Variants in SFXN5 observed in about 807,000 individuals in gnomAD.
SFXN5 encodes the protein sideroflexin-5.
A neutral mutation model predicts 50.2 loss-of-function variants in SFXN5; 43 were observed. That is an observed-to-expected ratio of 0.86 (90% CI 0.67 to 1.11). SFXN5 has a LOEUF of 1.11. Among genes scored for constraint, SFXN5 ranks in the 50% least tolerant of loss-of-function variants. The pLI, the probability that SFXN5 is intolerant of heterozygous loss-of-function variation, is 0.00. For missense variants in SFXN5, 463 were observed against 454.1 expected (o/e 1.02, Z -0.18); for synonymous variants, 203 against 185.8 (o/e 1.09, Z -0.75).
At chr2:73,026,090 G>A (rs1445872925) in intron 3 of SFXN5, among the ~76,000 whole-genome samples, 1 of 151,288 alleles carries the variant, frequency 6.6e-6, no homozygotes, top group Non-Finnish European at 1.5e-5. Context: ...TGCTGAGAAG[G>A]AGGTCCCATT....
chr2:73,022,536 G>A lies in SFXN5; in HGVS notation c.317C>T (p.Pro106Leu). 6.2e-7 allele frequency: 1 copy of A among 1,607,570 alleles called. No homozygotes were observed. ...HPDTNEKIFMPFRMSGYIPFG... is the reference protein window; with the variant it reads ...HPDTNEKIFMLFRMSGYIPFG... ...CAGGAGCTTACCTGACATTCTAAAT[G>A]GCATGAAGATCTTCTCATTGGTGTC... Residue 106 changes from proline to leucine, a missense_variant, in exon 5 of 14, where the codon CCA becomes CTA. Pro to Leu is a moderately conservative substitution (Grantham distance 98). Transcript: ENST00000272433.
At chr2:72,990,627 A>C (rs1406613797) in intron 9 of SFXN5, among the ~76,000 whole-genome samples, 1 of 152,240 alleles carries the variant, frequency 6.6e-6, no homozygotes, top group African/African-American at 2.4e-5. Flanking sequence ...TAGATAGACC[A>C]TGTTGGCCCT....
intron 1 of SFXN5, among the ~76,000 whole-genome samples, chr2:73,064,171 A>T (rs114522673): frequency 6.6e-6 from 1 of 152,200 alleles, no homozygotes; most frequent in African/African-American, 2.4e-5. Flanking sequence ...CAAAGATCCC[A>T]GAAGAAGCTG....
intron 10 of SFXN5, among the ~76,000 whole-genome samples, chr2:72,972,686 G>A (rs908234994): frequency 6.6e-6 from 1 of 152,252 alleles, no homozygotes; most frequent in African/African-American, 2.4e-5. Context: ...GACCTGGGAG[G>A]GGTGGGCAGG....
chr2:72,994,104 G>C (rs1410527029), intron 9 of SFXN5, among the ~76,000 whole-genome samples: 5 of 152,118 alleles, frequency 3.3e-5, no homozygotes, highest in Non-Finnish European at 1.5e-5. Flanking sequence ...ATGCCACAGG[G>C]GGTGCAGCAG....
intron 13 of SFXN5, among the ~76,000 whole-genome samples, chr2:72,947,076 C>T (rs1237500503): frequency 6.6e-6 from 1 of 152,202 alleles, no homozygotes; most frequent in Non-Finnish European, 1.5e-5. Flanking sequence ...CTTTAGACAC[C>T]TTCCCTCCCC....
At chr2:72,982,332 A>C (rs1211429330) in intron 10 of SFXN5, among the ~76,000 whole-genome samples, 1 of 152,256 alleles carries the variant, frequency 6.6e-6, no homozygotes, top group African/African-American at 2.4e-5. Flanking sequence ...AAAAATGTAA[A>C]CAAGAAAACA....
intron 12 of SFXN5, among the ~76,000 whole-genome samples, chr2:72,963,204 G>A (rs1289438035): frequency 6.6e-6 from 1 of 152,184 alleles, no homozygotes; most frequent in African/African-American, 2.4e-5. Context: ...GTCCCTGGAA[G>A]CACAGCCCCG....
chr2:72,977,022 AG>A (rs1432363259), intron 10 of SFXN5, among the ~76,000 whole-genome samples: 1 of 152,210 alleles, frequency 6.6e-6, no homozygotes, highest in Non-Finnish European at 1.5e-5. Context: ...GTCTAGGAAG[AG>A]GCATGTGACC....
intron 6 of SFXN5, among the ~76,000 whole-genome samples, chr2:73,008,628 G>C (rs1260394426): frequency 6.6e-6 from 1 of 152,216 alleles, no homozygotes; most frequent in Non-Finnish European, 1.5e-5. Flanking sequence ...GGGAAACCTG[G>C]GAAGGGAGAG....
intron 6 of SFXN5, among the ~76,000 whole-genome samples, chr2:73,012,649 A>AACACACACACACACAC (rs57635824): frequency 3.2e-5 from 4 of 125,858 alleles, no homozygotes; most frequent in Non-Finnish European, 5.1e-5. Flanking sequence ...CTAGCCAAAC[A>AACACACACACACACAC]ACACACACAC....
At chr2:72,977,678 TG>T (rs1227000032) in intron 10 of SFXN5, among the ~76,000 whole-genome samples, 7 of 152,160 alleles carry the variant, frequency 4.6e-5, no homozygotes, top group African/African-American at 1.7e-4. Context: ...CATTTTGTGT[TG>T]TTAAGAAACT....
intron 12 of SFXN5, among the ~76,000 whole-genome samples, chr2:72,964,347 C>G (rs1202478162): frequency 6.6e-6 from 1 of 152,272 alleles, no homozygotes; most frequent in Admixed American, 6.5e-5. Context: ...AAGCCCTGCA[C>G]TAGTGCCCCT....
At position 72,992,064 on chromosome 2, in the gene SFXN5, G is replaced by A. The variant is rs1231467193; in HGVS notation, c.535-3716C>T. Among the ~76,000 whole-genome samples, 6 of 152,144 alleles carry A rather than the reference G, an allele frequency of 3.9e-5. No homozygotes were observed. Among genetic ancestry groups the A allele is most frequent in the Admixed American group, 1.3e-4 (2 of 15,280 alleles). On this transcript the variant is annotated intron_variant, in intron 9 of 13. Transcript: ENST00000272433. This position sits in a 1 kb window ranked among gnomAD's most constrained non-coding sequence, Gnocchi z 4.5. The stretch of plus-strand genomic sequence containing the variant: ...CAGACAGGGCTTCTTGGAAAACCAG[G>A]GCTCAGGCCCCACAGGACATCAGCA...
At chr2:73,008,883 G>A (rs142136275) in intron 6 of SFXN5, among the ~76,000 whole-genome samples, 2 of 152,272 alleles carry the variant, frequency 1.3e-5, no homozygotes, top group East Asian at 3.9e-4. Context: ...TGACTAAACT[G>A]GCACCAGCCT....
rs1681790136 is a variant in SFXN5, at chr2:73,054,228, G to A, written c.171+4300C>T. Among the ~76,000 whole-genome samples, 6 of 152,286 alleles carry A rather than the reference G, an allele frequency of 3.9e-5. No individual in the cohort carries two copies. In the South Asian group the frequency reaches 1.0e-3, roughly 26 times the overall value. The stretch of plus-strand genomic sequence containing the variant: ...CCCAACTGGGGTACAGTGGGGAGGA[G>A]AAGTGCAGATCTTTCTACAAAGTCT... On this transcript the variant is annotated intron_variant, in intron 2 of 13. Transcript: ENST00000272433.
intron 11 of SFXN5, 109 bp from the exon 12 acceptor site, chr2:72,968,642 G>A (rs1674764389): frequency 1.0e-6 from 1 of 964,308 alleles, no homozygotes; most frequent in Non-Finnish European, 1.5e-6. Context: ...GTGTCTGAAT[G>A]GCCTTATTCA....
Position 72,945,181 on chromosome 2 carries a change from C to T in SFXN5, c.946-82G>A, listed in dbSNP as rs1671799041. The stretch of plus-strand genomic sequence containing the variant: ...GCTGGGAGCTGCAGTGAGGACCACC[C>T]TGGGCCCCAGAGCTCTGCCCCCTGC... On this transcript the variant is annotated intron_variant, in intron 13 of 13. Transcript: ENST00000272433. The surrounding 1 kb of genome is among the most constrained non-coding windows in gnomAD (Gnocchi z 5.8). 1 of 1,349,640 alleles carries T rather than the reference C, an allele frequency of 7.4e-7. No individual in the cohort carries two copies. The highest frequency in any genetic ancestry group is 1.9e-5 in the Admixed American group (1 of 53,498). 83.6% of individuals were successfully genotyped at this position (1,349,640 alleles called of 1,614,324 possible).
At position 72,945,609 on chromosome 2, in the gene SFXN5, C is replaced by T. The variant is rs974042092; in HGVS notation, c.946-510G>A. ...ACCTAAGCGCCCACACTCCACACTC[C>T]GACCACTCAGTCTTTACATCTTCCC... On this transcript the variant is annotated intron_variant, in intron 13 of 13. Transcript: ENST00000272433. The surrounding 1 kb of genome is among the most constrained non-coding windows in gnomAD (Gnocchi z 5.8). Among the ~76,000 whole-genome samples the T allele has an allele frequency of 6.6e-6, 1 of 152,086 alleles. No individual in the cohort carries two copies. Among genetic ancestry groups the T allele is most frequent in the East Asian group, 1.9e-4 (1 of 5,180 alleles).
Sources: gnomAD v4.1 joint callset for allele counts (sites outside exome capture counted in the v4.1 genomes callset) on GRCh38, gnomAD v4.1.1 for gene constraint, Gnocchi (gnomAD v3.1) non-coding constraint, MANE v1.5 for transcripts, NCBI Gene and HGNC (gene_info 2026-07-23, HGNC 2026-07-21) for gene names.